The following MAP2 variants were observed in gnomAD, a reference collection of about 807,000 sequenced individuals.
MAP2 encodes the protein microtubule associated protein 2.
In MAP2, 14 loss-of-function variants were observed where a neutral mutation model predicts 137.6. That is an observed-to-expected ratio of 0.10 (90% CI 0.07 to 0.16). The LOEUF is 0.16. MAP2 is among the 10% of genes least tolerant of loss of function. The pLI is 1.00. For synonymous variants in MAP2, 786 were observed against 782.3 expected, an observed-to-expected ratio of 1.00 and a Z score of -0.08; for missense variants, 2,088 against 2,191.5, an observed-to-expected ratio of 0.95 and a Z score of 0.94.
chr2:209,728,786 T>C (rs2075049361), intron 14 of MAP2, among the ~76,000 whole-genome samples: 1 of 152,222 alleles, frequency 6.6e-6, no homozygotes, highest in South Asian at 2.1e-4. Flanking sequence ...AACATGTTTA[T>C]TGGAGCAGCT....
chr2:209,506,679 C>A (rs545020027), intron 1 of MAP2, among the ~76,000 whole-genome samples: 31 of 152,112 alleles, frequency 2.0e-4, no homozygotes, highest in Non-Finnish European at 4.4e-4. Flanking sequence ...ATATTTACTT[C>A]TCAGCATATT....
At chr2:209,578,444 T>C (rs1356651620) in intron 2 of MAP2, among the ~76,000 whole-genome samples, 1 of 151,658 alleles carries the variant, frequency 6.6e-6, no homozygotes, top group African/African-American at 2.4e-5. Context: ...AAACATATCA[T>C]CTGTCTCTCA....
chr2:209,529,877 C>A (rs1319659097), intron 2 of MAP2, among the ~76,000 whole-genome samples: 1 of 151,936 alleles, frequency 6.6e-6, no homozygotes, highest in Non-Finnish European at 1.5e-5. Flanking sequence ...TTTGTTCTTT[C>A]TTTTCTTTCT....
chr2:209,651,086 A>G (rs904463845), intron 4 of MAP2, among the ~76,000 whole-genome samples: 12 of 152,228 alleles, frequency 7.9e-5, no homozygotes, highest in Non-Finnish European at 1.0e-4. Flanking sequence ...TCCTTCACAT[A>G]TATGAAGATG....
intron 2 of MAP2, among the ~76,000 whole-genome samples, chr2:209,508,026 A>G (rs1379904295): frequency 1.3e-5 from 2 of 152,112 alleles, no homozygotes; most frequent in Non-Finnish European, 2.9e-5. Context: ...GAATTCCACA[A>G]TTATATACTC....
rs1583206247 is a variant in MAP2, at chr2:209,678,656, A to G, written c.347A>G (p.His116Arg). Residue 116 changes from histidine to arginine, a missense_variant, in exon 6 of 16, where the codon CAT (histidine) becomes CGT (arginine). Around this residue, in one of 6 missense-constraint regions of MAP2, gnomAD observed 859 missense variants for 794.5 expected, o/e 1.08. Transcript: ENST00000682079. ...LKGEQEKEAQ[H>R]KDQTAALPLA... ...GGTGAACAAGAGAAAGAAGCTCAAC[A>G]TAAAGACCAGACTGCAGCTCTGCCT... 1.9e-6 allele frequency: 3 copies of G among 1,604,780 alleles called. No homozygotes were observed. Among genetic ancestry groups the G allele is most frequent in the Non-Finnish European group, 2.6e-6 (3 of 1,175,170 alleles).
At chr2:209,493,072 C>G (rs1321669787) in intron 1 of MAP2, among the ~76,000 whole-genome samples, 1 of 152,028 alleles carries the variant, frequency 6.6e-6, no homozygotes. Flanking sequence ...GTACTGGTAC[C>G]AAAACAGATA....
intron 1 of MAP2, among the ~76,000 whole-genome samples, chr2:209,451,978 ACT>A (rs1209311440): frequency 2.6e-5 from 4 of 152,084 alleles, no homozygotes; most frequent in Non-Finnish European, 4.4e-5. Context: ...TCAGCCTAGA[ACT>A]CTGTTTTTCA....
chr2:209,464,934 T>C (rs1703765574), intron 1 of MAP2, among the ~76,000 whole-genome samples: 1 of 152,128 alleles, frequency 6.6e-6, no homozygotes, highest in South Asian at 2.1e-4. Context: ...ATCCAGATAA[T>C]TATAATTGTG....
At chr2:209,685,147 A>G (rs2056522854) in intron 7 of MAP2, among the ~76,000 whole-genome samples, 1 of 152,150 alleles carries the variant, frequency 6.6e-6, no homozygotes, top group South Asian at 2.1e-4. Context: ...TCCAAATCTA[A>G]ATTCTGCAAT....
intron 11 of MAP2, chr2:209,704,706 G>A: frequency 3.2e-6 from 4 of 1,253,058 alleles, no homozygotes; most frequent in Middle Eastern, 2.1e-4. Context: ...GGAAATGTAT[G>A]AAAGCAAATA....
chr2:209,693,781 T>C lies in MAP2; in HGVS notation c.1611T>C (p.Phe537=), dbSNP rs946506444. ...AAAAGAGCTCAATTCAGGAACTTTT[T>C]GAAATGAGAGTTGATGACAAAGATA... ...LIEKSSIQEL[F]EMRVDDKDKI... is the part of the protein sequence containing the mutation. Residue 537 remains phenylalanine (F), a synonymous_variant, in exon 8 of 16, where the codon TTT becomes TTC. Coordinates refer to ENST00000682079, the MANE Select transcript of MAP2 (RefSeq NM_001375505.1). 6.2e-7 allele frequency: 1 copy of C among 1,613,962 alleles called. No homozygotes were observed. Among genetic ancestry groups the C allele is most frequent in the Non-Finnish European group, 8.5e-7 (1 of 1,179,970 alleles).
At chr2:209,460,491 CTG>C (rs1702504518) in intron 1 of MAP2, among the ~76,000 whole-genome samples, 1 of 152,122 alleles carries the variant, frequency 6.6e-6, no homozygotes, top group South Asian at 2.1e-4. Context: ...CCCTTGGTAA[CTG>C]GGATATGGGG....
chr2:209,488,908 C>T (rs2149946614), intron 1 of MAP2, among the ~76,000 whole-genome samples: 1 of 152,330 alleles, frequency 6.6e-6, no homozygotes, highest in South Asian at 2.1e-4. Flanking sequence ...AGGAGGGCAG[C>T]AGATCTCCCA....
intron 10 of MAP2, 101 bp downstream of exon 10, chr2:209,697,152 G>C: frequency 8.1e-7 from 1 of 1,241,806 alleles, no homozygotes; most frequent in Non-Finnish European, 1.1e-6. Context: ...TTTCTTCCAA[G>C]AATCTCAGCA....
intron 13 of MAP2, among the ~76,000 whole-genome samples, chr2:209,719,990 A>G (rs2069577869): frequency 6.6e-6 from 1 of 152,148 alleles, no homozygotes; most frequent in East Asian, 1.9e-4. Flanking sequence ...TACAGACTCA[A>G]ATTGGAATGA....
At chr2:209,623,008 C>CT (rs2091562752) in intron 3 of MAP2, among the ~76,000 whole-genome samples, 1 of 152,144 alleles carries the variant, frequency 6.6e-6, no homozygotes, top group Admixed American at 6.6e-5. Flanking sequence ...TGGAATTTCA[C>CT]TTTCATTCAT....
chr2:209,639,514 C>T (rs2093840082), intron 4 of MAP2, among the ~76,000 whole-genome samples: 1 of 152,112 alleles, frequency 6.6e-6, no homozygotes, highest in Admixed American at 6.6e-5. Flanking sequence ...ATGTTTCTAT[C>T]CTTAGCCATG....
chr2:209,655,665 A>C (rs1337137604), intron 5 of MAP2, among the ~76,000 whole-genome samples: 1 of 152,224 alleles, frequency 6.6e-6, no homozygotes, highest in East Asian at 1.9e-4. Flanking sequence ...TCCTTTGATG[A>C]TGGAGACTAT....
Sources: gnomAD v4.1 joint callset for allele counts (sites outside exome capture counted in the v4.1 genomes callset) on GRCh38, gnomAD v4.1.1 for gene constraint, gnomAD v4.1.1 regional missense constraint, MANE v1.5 for transcripts, NCBI Gene and HGNC (gene_info 2026-07-23, HGNC 2026-07-21) for gene names.